Variants in EPHB1 observed in about 807,000 individuals in gnomAD.
EPHB1 encodes ephrin type-B receptor 1.
A neutral mutation model predicts 94.4 loss-of-function variants in EPHB1; 30 were observed. The observed-to-expected ratio is 0.32, with a 90% CI of 0.24 to 0.43. The LOEUF (loss-of-function observed/expected upper bound fraction) is 0.43, where lower values mean the gene tolerates loss of function less well. EPHB1 is among the 20% of genes least tolerant of loss of function. The pLI is 1.00. For missense variants in EPHB1, 1,055 were observed against 1,308.3 expected (o/e 0.81, Z 2.99); for synonymous variants, 522 against 489.1 (o/e 1.07, Z -0.89).
rs569235519 is a variant in EPHB1 at position 134,993,882 on chromosome 3, A to T, written c.805+41830A>T. ...CACATTTAAAGTCTTGGGTTTCCCC[A>T]GTTGTGATGTAAACTGTCACCTCTG... On this transcript the variant is annotated intron_variant, in intron 3 of 15. Transcript: ENST00000398015. Among the ~76,000 whole-genome samples the T allele has an allele frequency of 3.9e-5, 6 of 152,316 alleles. No individual in the cohort carries two copies. In the East Asian group the frequency reaches 1.2e-3, roughly 29 times the overall value.
intron 10 of EPHB1, among the ~76,000 whole-genome samples, chr3:135,186,103 G>A (rs1942322904): frequency 2.0e-5 from 3 of 152,310 alleles, no homozygotes; most frequent in Admixed American, 2.0e-4. Flanking sequence ...AAATGTAGAT[G>A]TATGTATGTG....
At chr3:134,837,409 C>T (rs76512340) in intron 1 of EPHB1, among the ~76,000 whole-genome samples, 1 of 152,320 alleles carries the variant, frequency 6.6e-6, no homozygotes, top group African/African-American at 2.4e-5. Flanking sequence ...CCTTGATTGT[C>T]ATCCTGCTGG....
At chr3:134,884,420 T>C (rs2037821690) in intron 1 of EPHB1, among the ~76,000 whole-genome samples, 2 of 152,230 alleles carry the variant, frequency 1.3e-5, no homozygotes, top group South Asian at 4.1e-4. Context: ...TACAACTTTC[T>C]TTTAACTCTG....
intron 3 of EPHB1, among the ~76,000 whole-genome samples, chr3:135,103,727 G>A (rs764137708): frequency 9.2e-5 from 14 of 152,256 alleles, no homozygotes; most frequent in Non-Finnish European, 1.8e-4. Context: ...CCAAATGCTT[G>A]TTTCTCCGGG....
intron 9 of EPHB1, among the ~76,000 whole-genome samples, chr3:135,177,253 C>T (rs535772463): frequency 6.6e-6 from 1 of 152,326 alleles, no homozygotes; most frequent in East Asian, 1.9e-4. Context: ...TGGGTCCCAG[C>T]ATCTGGGCTG....
intron 6 of EPHB1, among the ~76,000 whole-genome samples, chr3:135,161,620 G>A (rs185782780): frequency 1.3e-5 from 2 of 152,158 alleles, no homozygotes; most frequent in Non-Finnish European, 2.9e-5. Context: ...AGGCAGGCAG[G>A]GGGCAGATGG....
chr3:135,018,189 C>T (rs985144583), intron 3 of EPHB1, among the ~76,000 whole-genome samples: 47 of 152,122 alleles, frequency 3.1e-4, no homozygotes, highest in Non-Finnish European at 5.7e-4. Context: ...AAGCAGGCCC[C>T]GTGATCATCC....
In EPHB1 at chr3:134,795,328, T is replaced by C. The variant is rs954306863; in HGVS notation, c.-304T>C. ...CAATGTGACACCAGGACGCACTCGC[T>C]CTCGCGCGCTCTCCCAGGCTCGTTC... is the stretch of plus-strand genomic sequence containing the variant. On this transcript the variant is annotated 5_prime_UTR_variant, in exon 1 of 16. Coordinates refer to ENST00000398015, the MANE Select transcript of EPHB1 (RefSeq NM_004441.5). The C allele has an allele frequency of 1.7e-5, 8 of 478,802 alleles. No individual in the cohort carries two copies. The highest frequency in any genetic ancestry group is 1.7e-4 in the African/African-American group (8 of 48,432). 29.7% of individuals were successfully genotyped at this position (478,802 alleles called of 1,614,324 possible).
chr3:135,048,814 A>G (rs530449286), intron 3 of EPHB1, among the ~76,000 whole-genome samples: 4 of 152,288 alleles, frequency 2.6e-5, no homozygotes, highest in African/African-American at 7.2e-5. Flanking sequence ...GCCTCATCCT[A>G]TGAGTGTCTG....
chr3:134,883,181 T>A lies in EPHB1; in HGVS notation c.59-42635T>A, dbSNP rs148501239. ...ATGAAAGGTCCCTTGCTTTGCTAAT[T>A]CCAACATGTTGGCACTCCACTTTGA... On this transcript the variant is annotated intron_variant, in intron 1 of 15. Transcript: ENST00000398015. Among the ~76,000 whole-genome samples the A allele has an allele frequency of 6.3e-3, 958 of 152,312 alleles. 10 individuals are homozygous for A. Among genetic ancestry groups the A allele is most frequent in the African/African-American group, 0.022 (912 of 41,556 alleles).
intron 1 of EPHB1, among the ~76,000 whole-genome samples, chr3:134,830,365 C>T (rs922476282): frequency 1.3e-5 from 2 of 152,226 alleles, no homozygotes; most frequent in African/African-American, 4.8e-5. Flanking sequence ...TGCCATATTT[C>T]ACTAATTTTC....
chr3:134,825,968 G>A (rs2036469500), intron 1 of EPHB1, among the ~76,000 whole-genome samples: 1 of 151,882 alleles, frequency 6.6e-6, no homozygotes, highest in African/African-American at 2.4e-5. Flanking sequence ...GAGACTGGGT[G>A]CGGTGGCTCA....
chr3:135,073,703 A>C (rs931313647), intron 3 of EPHB1, among the ~76,000 whole-genome samples: 3 of 152,156 alleles, frequency 2.0e-5, no homozygotes, highest in Non-Finnish European at 2.9e-5. Flanking sequence ...CAGGCTAAGA[A>C]GTTCCTTAAA....
chr3:134,869,773 G>A (rs1368688803), intron 1 of EPHB1, among the ~76,000 whole-genome samples: 1 of 152,046 alleles, frequency 6.6e-6, no homozygotes, highest in African/African-American at 2.4e-5. Flanking sequence ...TGCATTTGTT[G>A]TGTCTTTCCA....
intron 1 of EPHB1, among the ~76,000 whole-genome samples, chr3:134,816,356 G>C (rs1360249497): frequency 2.0e-5 from 3 of 151,888 alleles, no homozygotes; most frequent in South Asian, 2.1e-4. Context: ...GCCTCCCAAA[G>C]TGCTGGGATT....
At chr3:134,846,884 A>C (rs188044194) in intron 1 of EPHB1, among the ~76,000 whole-genome samples, 1 of 152,324 alleles carries the variant, frequency 6.6e-6, no homozygotes. Flanking sequence ...AGGCAAAAAC[A>C]AAAGAATCCA....
intron 4 of EPHB1, among the ~76,000 whole-genome samples, chr3:135,123,140 T>A (rs1048329338): frequency 6.6e-6 from 1 of 152,148 alleles, no homozygotes; most frequent in African/African-American, 2.4e-5. Context: ...AAGGATGAGA[T>A]TTGGAACCTG....
At chr3:135,122,609 T>C (rs995785530) in intron 4 of EPHB1, among the ~76,000 whole-genome samples, 1 of 152,072 alleles carries the variant, frequency 6.6e-6, no homozygotes, top group Admixed American at 6.5e-5. Context: ...GCCTCAGCCA[T>C]CCTCTAAGGG....
rs546740646 is a variant in EPHB1, at chr3:135,127,140, T to C, written c.962-5574T>C. On this transcript the variant is annotated intron_variant, in intron 4 of 15. Transcript: ENST00000398015. Reference sequence around the variant, plus strand: ...GTTCACTTTCTCAAGGTCAACCAACTAGAGAATATGTTTTAACTTGGTTAC... The same window carrying C: ...GTTCACTTTCTCAAGGTCAACCAACCAGAGAATATGTTTTAACTTGGTTAC... Among the ~76,000 whole-genome samples the C allele has an allele frequency of 4.6e-5, 7 of 152,306 alleles. No homozygotes were observed. In the East Asian group the frequency reaches 1.4e-3, roughly 29 times the overall value.
Sources: allele counts gnomAD v4.1 joint callset (sites outside exome capture counted in the v4.1 genomes callset), GRCh38; gene constraint gnomAD v4.1.1; transcripts MANE v1.5; gene names NCBI Gene and HGNC (gene_info 2026-07-23, HGNC 2026-07-21).